Variants in WNT7A observed in about 807,000 individuals in gnomAD.
WNT7A encodes protein Wnt-7a.
Under a neutral mutation model 28.2 loss-of-function variants are expected in WNT7A, and 16 were observed. The ratio of observed to expected loss-of-function variants is 0.57; its 90% CI spans 0.38 to 0.86. The LOEUF (loss-of-function observed/expected upper bound fraction) is 0.86, where lower values mean the gene tolerates loss of function less well. Ranked by LOEUF, WNT7A falls within the 40% of genes least tolerant of loss-of-function variation. The probability of loss-of-function intolerance (pLI) is 0.00; values close to 1 mark genes in which losing one functional copy is unlikely to be tolerated. For missense variants in WNT7A, 411 were observed against 489.7 expected (o/e 0.84, Z 1.52); for synonymous variants, 190 against 195.9 (o/e 0.97, Z 0.25).
chr3:13,845,235 G>T (rs1048577737), intron 3 of WNT7A, among the ~76,000 whole-genome samples: 5 of 152,078 alleles, frequency 3.3e-5, no homozygotes, highest in African/African-American at 9.7e-5. Flanking sequence ...AGCTTCCACC[G>T]CAGCTAAGAC....
chr3:13,845,855 C>G (rs1250789220), intron 3 of WNT7A, among the ~76,000 whole-genome samples: 1 of 152,242 alleles, frequency 6.6e-6, no homozygotes, highest in Non-Finnish European at 1.5e-5. Flanking sequence ...TCACGACTAC[C>G]TGGAAGGATC....
chr3:13,857,638 C>T (rs903127915), intron 2 of WNT7A, among the ~76,000 whole-genome samples: 4 of 152,086 alleles, frequency 2.6e-5, no homozygotes, highest in East Asian at 1.9e-4. Flanking sequence ...AGTGATTCCC[C>T]GAGAGCCTAG....
Position 13,818,793 on chromosome 3 carries a change from C to G in WNT7A, c.*151G>C. 8.3e-7 allele frequency: 1 copy of G among 1,203,888 alleles called. No homozygotes were observed. The highest frequency in any genetic ancestry group is 1.1e-6 in the Non-Finnish European group (1 of 893,820). 74.6% of individuals were successfully genotyped at this position (1,203,888 alleles called of 1,614,324 possible). ...TTGAGGGCTCTGAGAGATTTTTTTT[C>G]CCCCACGGATGCCTGCAGGAAACCC... On this transcript the variant is annotated 3_prime_UTR_variant, in exon 4 of 4. Coordinates refer to ENST00000285018, the MANE Select transcript of WNT7A (RefSeq NM_004625.4).
At chr3:13,855,762 T>G (rs1694719115) in intron 2 of WNT7A, among the ~76,000 whole-genome samples, 1 of 152,112 alleles carries the variant, frequency 6.6e-6, no homozygotes, top group African/African-American at 2.4e-5. Context: ...GTATAAGCCC[T>G]GAGGAGCACT....
At chr3:13,825,041 G>C (rs1694172376) in intron 3 of WNT7A, among the ~76,000 whole-genome samples, 1 of 152,220 alleles carries the variant, frequency 6.6e-6, no homozygotes, top group Non-Finnish European at 1.5e-5. Flanking sequence ...AAGGCTTGCA[G>C]CTTGGGAGCT....
At chr3:13,858,191 AG>A (rs890916799) in intron 2 of WNT7A, among the ~76,000 whole-genome samples, 1 of 152,170 alleles carries the variant, frequency 6.6e-6, no homozygotes, top group African/African-American at 2.4e-5. Flanking sequence ...TGCAGTGGGC[AG>A]GCACCACCGG....
intron 2 of WNT7A, among the ~76,000 whole-genome samples, chr3:13,859,933 G>C (rs1193772045): frequency 6.6e-6 from 1 of 152,218 alleles, no homozygotes; most frequent in East Asian, 1.9e-4. Flanking sequence ...GAGGCTCCAA[G>C]AGGATCTAAC....
intron 3 of WNT7A, among the ~76,000 whole-genome samples, chr3:13,824,434 C>A (rs983941677): frequency 2.0e-5 from 3 of 152,212 alleles, no homozygotes; most frequent in African/African-American, 7.2e-5. Context: ...TGTTACAATT[C>A]TTTTCCTTTT....
In WNT7A at chr3:13,831,034, C is replaced by T. The variant is rs371611475; in HGVS notation, c.571-11611G>A. Among the ~76,000 whole-genome samples the T allele has an allele frequency of 1.6e-4, 24 of 152,178 alleles. 1 individual carries two copies. Among genetic ancestry groups the T allele is most frequent in the Admixed American group, 9.8e-4 (15 of 15,286 alleles). On this transcript the variant is annotated intron_variant, in intron 3 of 3. Transcript: ENST00000285018. ...CAGGGGAAGGAGGCGCTCATAATCACTACTGTGATTATGTAGGATTGTGCC... is the reference window on the plus strand; with the variant it reads ...CAGGGGAAGGAGGCGCTCATAATCATTACTGTGATTATGTAGGATTGTGCC...
intron 3 of WNT7A, among the ~76,000 whole-genome samples, chr3:13,848,520 C>A (rs1694576337): frequency 6.6e-6 from 1 of 152,086 alleles, no homozygotes; most frequent in Non-Finnish European, 1.5e-5. Flanking sequence ...CAATCAATAC[C>A]ACAATGAGGT....
intron 2 of WNT7A, among the ~76,000 whole-genome samples, chr3:13,873,711 G>A (rs960653307): frequency 6.6e-6 from 1 of 152,176 alleles, no homozygotes; most frequent in East Asian, 1.9e-4. Context: ...CTGATGGGAT[G>A]GAGCTTTGAG....
At position 13,832,815 on chromosome 3, in the gene WNT7A, A is replaced by C. The variant is rs534622091; in HGVS notation, c.571-13392T>G. Among the ~76,000 whole-genome samples the C allele has an allele frequency of 1.6e-4, 25 of 152,232 alleles. 1 individual carries two copies. The highest frequency in any genetic ancestry group is 1.2e-3 in the East Asian group (6 of 5,188). On this transcript the variant is annotated intron_variant, in intron 3 of 3. Coordinates refer to ENST00000285018, the MANE Select transcript of WNT7A (RefSeq NM_004625.4). ...CAGGGCCCCTGGAATGCAGCCTGGG[A>C]GGTACAGGAAGAGAGGTTTCCACTC...
At position 13,841,846 on chromosome 3, in the gene WNT7A, C is replaced by A. The variant is rs368788011; in HGVS notation, c.570+12686G>T. Among the ~76,000 whole-genome samples, 8 of 152,240 alleles carry A rather than the reference C, an allele frequency of 5.3e-5. 1 individual carries two copies. The highest frequency in any genetic ancestry group is 3.9e-4 in the East Asian group (2 of 5,178). On this transcript the variant is annotated intron_variant, in intron 3 of 3. Transcript: ENST00000285018. ...AAACGTGGAAGGGAACAGGAAGCAG[C>A]GAGACAGACTGGAGGGTGAGTTCAA...
chr3:13,865,292 T>C (rs1694894277), intron 2 of WNT7A, among the ~76,000 whole-genome samples: 1 of 152,176 alleles, frequency 6.6e-6, no homozygotes, highest in Non-Finnish European at 1.5e-5. Context: ...CCCATTTTAT[T>C]GTCCAAGGGA....
intron 2 of WNT7A, among the ~76,000 whole-genome samples, chr3:13,865,890 T>G (rs1201559486): frequency 6.6e-6 from 1 of 152,188 alleles, no homozygotes; most frequent in Non-Finnish European, 1.5e-5. Flanking sequence ...TCAGATGGGT[T>G]CTTGCAAAAG....
rs980534077 is a variant in WNT7A at position 13,854,942 on chromosome 3, C to T, written c.299-139G>A. ...CGACTGAGTACCCGTTCCTAACTTC[C>T]AACAAAGCTCCCTTTTAGGGTGATG... On this transcript the variant is annotated intron_variant, in intron 2 of 3. Coordinates refer to ENST00000285018, the MANE Select transcript of WNT7A (RefSeq NM_004625.4). The T allele has an allele frequency of 1.5e-5, 17 of 1,140,042 alleles. No homozygotes were observed. The South Asian group carries it at 1.9e-4, about 13-fold the overall frequency. The allele number at this position is 1,140,042 out of a possible 1,614,324, so 70.6% of individuals were successfully genotyped here.
chr3:13,878,850 GTTGTC>G (rs1695156653), intron 1 of WNT7A, among the ~76,000 whole-genome samples: 1 of 152,016 alleles, frequency 6.6e-6, no homozygotes, highest in African/African-American at 2.4e-5. Flanking sequence ...CCTCACACGC[GTTGTC>G]TTAAGTACAA....
Position 13,830,175 on chromosome 3 carries a change from T to C in WNT7A, c.571-10752A>G, listed in dbSNP as rs550976197. Among the ~76,000 whole-genome samples, 9 of 152,260 alleles carry C rather than the reference T, an allele frequency of 5.9e-5. No homozygotes were observed. The East Asian group carries it at 1.6e-3, about 26-fold the overall frequency. On this transcript the variant is annotated intron_variant, in intron 3 of 3. Coordinates refer to ENST00000285018, the MANE Select transcript of WNT7A (RefSeq NM_004625.4). ...CTCCCCCAAGCAGGAGGCTCGTTCC[T>C]GAACCTCCTCCAAAAAGATCCAAGC...
At chr3:13,858,481 C>A (rs1304506318) in intron 2 of WNT7A, among the ~76,000 whole-genome samples, 1 of 152,144 alleles carries the variant, frequency 6.6e-6, no homozygotes, top group Non-Finnish European at 1.5e-5. Context: ...GAGAAATGGA[C>A]AGCTAACCAC....
Sources: allele counts gnomAD v4.1 joint callset (sites outside exome capture counted in the v4.1 genomes callset), GRCh38; gene constraint gnomAD v4.1.1; transcripts MANE v1.5; gene names NCBI Gene and HGNC (gene_info 2026-07-23, HGNC 2026-07-21).